GPC3: variants seen among roughly 807,000 people sequenced by gnomAD.
GPC3 encodes glypican-3.
GPC3 carries 3 observed loss-of-function variants against 34.4 expected under a neutral mutation model. The ratio of observed to expected loss-of-function variants is 0.09; its 90% CI spans 0.04 to 0.23. GPC3 has a LOEUF of 0.23. Ranked by LOEUF, GPC3 falls within the 10% of genes least tolerant of loss-of-function variation. The pLI is 1.00. For synonymous variants in GPC3, 177 were observed against 174.0 expected, an observed-to-expected ratio of 1.02 and a Z score of -0.13; for missense variants, 351 against 445.6, an observed-to-expected ratio of 0.79 and a Z score of 1.91.
At chrX:133,809,709 G>A (rs1030545802) in intron 2 of GPC3, among the ~76,000 whole-genome samples, 7 of 111,858 alleles carry the variant, frequency 6.3e-5, no homozygotes, top group Non-Finnish European at 1.3e-4. Context: ...CATAAAAGGG[G>A]AGTGAGATAT....
At chrX:133,898,571 G>A (rs190432230) in intron 2 of GPC3, among the ~76,000 whole-genome samples, 3 of 112,176 alleles carry the variant, frequency 2.7e-5, no homozygotes, top group African/African-American at 9.7e-5. Flanking sequence ...AATAGAGACA[G>A]AAATTCTATT....
intron 7 of GPC3, among the ~76,000 whole-genome samples, chrX:133,541,672 G>A (rs2069343762): frequency 8.9e-6 from 1 of 111,734 alleles, no homozygotes; most frequent in South Asian, 3.8e-4. Flanking sequence ...CAGTCATTAA[G>A]GTCTGCATTT....
At chrX:133,643,833 T>TTTTTTTTTTG (rs1251737446) in intron 6 of GPC3, among the ~76,000 whole-genome samples, 1 of 105,492 alleles carries the variant, frequency 9.5e-6, no homozygotes, top group African/African-American at 3.5e-5. Context: ...GTTTTTATGT[T>TTTTTTTTTTG]TTTTTTTTTT....
At chrX:133,836,370 A>G (rs773335971) in intron 2 of GPC3, among the ~76,000 whole-genome samples, 1 of 112,171 alleles carries the variant, frequency 8.9e-6, no homozygotes, top group South Asian at 3.7e-4. Context: ...ATAAACAGAG[A>G]TCTTTTGGCT....
At chrX:133,660,384 C>T (rs2070705005) in intron 6 of GPC3, among the ~76,000 whole-genome samples, 1 of 112,447 alleles carries the variant, frequency 8.9e-6, no homozygotes, top group Admixed American at 9.4e-5. Context: ...GATCATGGGG[C>T]AGGAACACTG....
At chrX:133,620,819 C>A (rs189783361) in intron 6 of GPC3, among the ~76,000 whole-genome samples, 1 of 111,929 alleles carries the variant, frequency 8.9e-6, no homozygotes, top group East Asian at 2.8e-4. Flanking sequence ...GTGCTTCAAC[C>A]AATTGCCAAT....
intron 3 of GPC3, among the ~76,000 whole-genome samples, chrX:133,736,976 T>G (rs1193087839): frequency 1.8e-5 from 2 of 112,278 alleles, no homozygotes; most frequent in Non-Finnish European, 3.8e-5. Flanking sequence ...TGATTAGGAC[T>G]TGAAATTCAA....
intron 2 of GPC3, among the ~76,000 whole-genome samples, chrX:133,861,830 C>T (rs1374847215): frequency 9.0e-6 from 1 of 111,422 alleles, no homozygotes; most frequent in Non-Finnish European, 1.9e-5. Context: ...CTGTAAACTT[C>T]CTGAGGCCTC....
intron 5 of GPC3, among the ~76,000 whole-genome samples, chrX:133,691,067 T>A (rs1375726130): frequency 4.5e-5 from 5 of 112,209 alleles, no homozygotes; most frequent in East Asian, 2.8e-4. Context: ...ATTATGTCTG[T>A]TTTGTTCATT....
chrX:133,617,136 A>G (rs2124353591), intron 6 of GPC3, among the ~76,000 whole-genome samples: 1 of 112,151 alleles, frequency 8.9e-6, no homozygotes, highest in East Asian at 2.8e-4. Context: ...TTCTATGACA[A>G]AAGTGAACCC....
At chrX:133,916,783 G>T (rs1365447949) in intron 2 of GPC3, among the ~76,000 whole-genome samples, 1 of 111,167 alleles carries the variant, frequency 9.0e-6, no homozygotes, top group Non-Finnish European at 1.9e-5. Flanking sequence ...GGAGGCTGAG[G>T]TAGGAGGATC....
chrX:133,849,088 T>C (rs1008241670), intron 2 of GPC3, among the ~76,000 whole-genome samples: 3 of 70,922 alleles, frequency 4.2e-5, no homozygotes, highest in Admixed American at 1.4e-4. Context: ...AAGTTTCTTT[T>C]TTTTTTTTTT....
intron 2 of GPC3, among the ~76,000 whole-genome samples, chrX:133,832,123 T>C (rs1048166037): frequency 9.2e-6 from 1 of 109,192 alleles, no homozygotes; most frequent in African/African-American, 3.3e-5. Flanking sequence ...CTACTAAAAA[T>C]ACAAAAATTA....
chrX:133,876,964 T>C (rs73567102), intron 2 of GPC3, among the ~76,000 whole-genome samples: 2,305 of 111,927 alleles, frequency 0.021, 65 homozygotes, highest in African/African-American at 0.071. Context: ...AATTTAATCC[T>C]GACAGAACTA....
At chrX:133,677,096 C>G (rs1430183537) in intron 5 of GPC3, among the ~76,000 whole-genome samples, 1 of 111,694 alleles carries the variant, frequency 9.0e-6, no homozygotes, top group Admixed American at 9.5e-5. Context: ...TTATGCAGTG[C>G]TATGGGGGAA....
At chrX:133,743,401 G>A (rs1324738191) in intron 3 of GPC3, among the ~76,000 whole-genome samples, 1 of 112,666 alleles carries the variant, frequency 8.9e-6, no homozygotes, top group Non-Finnish European at 1.9e-5. Context: ...TAAGGTAGGG[G>A]CAGGACGAAT....
chrX:133,900,030 T>C (rs1259744690), intron 2 of GPC3, among the ~76,000 whole-genome samples: 1 of 111,828 alleles, frequency 8.9e-6, no homozygotes, highest in African/African-American at 3.3e-5. Context: ...CTCAAACTTC[T>C]GAGCTCAGGT....
intron 2 of GPC3, among the ~76,000 whole-genome samples, chrX:133,808,515 G>C (rs2075647492): frequency 9.0e-6 from 1 of 111,434 alleles, no homozygotes; most frequent in South Asian, 3.8e-4. Flanking sequence ...AAATATGCCT[G>C]GTCCTTATAT....
intron 2 of GPC3, among the ~76,000 whole-genome samples, chrX:133,777,456 AC>A (rs1452511930): frequency 2.7e-5 from 3 of 110,533 alleles, no homozygotes; most frequent in African/African-American, 9.9e-5. Context: ...TGGACCCACA[AC>A]CTTGCCAACA....
Sources: allele counts gnomAD v4.1 joint callset (sites outside exome capture counted in the v4.1 genomes callset), GRCh38; gene constraint gnomAD v4.1.1; transcripts MANE v1.5; gene names NCBI Gene and HGNC (gene_info 2026-07-23, HGNC 2026-07-21).